The following MAST4 variants were observed in gnomAD, a reference collection of about 807,000 sequenced individuals.
The protein encoded by MAST4 is microtubule associated serine/threonine kinase family member 4.
Under a neutral mutation model 162.7 loss-of-function variants are expected in MAST4, and 89 were observed. The observed-to-expected ratio is 0.55, with a 90% CI of 0.46 to 0.65. The LOEUF (loss-of-function observed/expected upper bound fraction) is 0.65, where lower values mean the gene tolerates loss of function less well. Ranked by LOEUF, MAST4 falls within the 30% of genes least tolerant of loss-of-function variation. The pLI is 0.00. For synonymous variants in MAST4, 1,479 were observed against 1,361.1 expected (o/e 1.09, Z -1.91); for missense variants, 3,153 against 3,374.0 (o/e 0.93, Z 1.62).
intron 3 of MAST4, among the ~76,000 whole-genome samples, chr5:66,855,802 G>T (rs1309676629): frequency 2.0e-5 from 3 of 152,144 alleles, no homozygotes; most frequent in Non-Finnish European, 4.4e-5. Flanking sequence ...TCACTTCTGG[G>T]CCTTAGTAGG....
At chr5:66,922,884 G>A (rs975256937) in intron 4 of MAST4, among the ~76,000 whole-genome samples, 7 of 152,096 alleles carry the variant, frequency 4.6e-5, no homozygotes, top group Non-Finnish European at 8.8e-5. Flanking sequence ...AATTTAGGGC[G>A]GCACATGTTC....
intron 19 of MAST4, 45 bp from the exon 20 acceptor site, chr5:67,142,070 G>C (rs1249130546): frequency 1.2e-5 from 19 of 1,586,542 alleles, no homozygotes; most frequent in Non-Finnish European, 1.5e-5. Context: ...GCTTAGTGGG[G>C]ATAGTTTAAC....
intron 1 of MAST4, among the ~76,000 whole-genome samples, chr5:66,707,666 C>G (rs865951139): frequency 4.5e-4 from 68 of 152,188 alleles, no homozygotes; most frequent in African/African-American, 1.6e-3. Flanking sequence ...AACCTAAATA[C>G]CTCTCTAAAG....
In MAST4 at chr5:67,049,008, C is replaced by CACACATATATATATACGTATATAT. The variant is rs1362965159; in HGVS notation, c.675-5395_675-5394insCACATATATATATACGTATATATA. 2.7e-4 allele frequency among the ~76,000 whole-genome samples: 28 copies of CACACATATATATATACGTATATAT among 104,508 alleles called. 1 individual carries two copies. Among genetic ancestry groups the CACACATATATATATACGTATATAT allele is most frequent in the Non-Finnish European group, 3.5e-4 (18 of 51,430 alleles). The allele number at this position is 104,508 out of a possible 152,430, so 68.6% of individuals were successfully genotyped here. ...ATATGTATATATATATATACACACA[C>CACACATATATATATACGTATATAT]ATATATATATATACGTATATATATA... On this transcript the variant is annotated intron_variant, in intron 4 of 28. Coordinates refer to ENST00000403625, the MANE Select transcript of MAST4 (RefSeq NM_001164664.2).
chr5:67,140,219 C>CACTA (rs1770195128), intron 19 of MAST4, among the ~76,000 whole-genome samples: 1 of 152,090 alleles, frequency 6.6e-6, no homozygotes, highest in Non-Finnish European at 1.5e-5. Context: ...TGTTGTGGGC[C>CACTA]ACTAACTAGG....
intron 14 of MAST4, among the ~76,000 whole-genome samples, chr5:67,128,889 A>C (rs991802861): frequency 6.6e-6 from 1 of 152,216 alleles, no homozygotes; most frequent in African/African-American, 2.4e-5. Context: ...TGGAGATTTC[A>C]AACCTGTTCC....
At chr5:66,797,763 G>A (rs1174383900) in intron 3 of MAST4, among the ~76,000 whole-genome samples, 3 of 152,166 alleles carry the variant, frequency 2.0e-5, no homozygotes, top group African/African-American at 7.2e-5. Context: ...CGTTGAGTAG[G>A]TTTTGGTTAG....
intron 1 of MAST4, among the ~76,000 whole-genome samples, chr5:66,620,564 G>A (rs1346500629): frequency 2.0e-5 from 3 of 152,080 alleles, no homozygotes; most frequent in Non-Finnish European, 4.4e-5. Context: ...TGACATTTCT[G>A]TAGAAATGCT....
Position 67,165,787 on chromosome 5 carries a change from C to A in MAST4, c.6608C>A (p.Pro2203Gln). 6.2e-7 allele frequency: 1 copy of A among 1,608,030 alleles called. No individual in the cohort carries two copies. ...KPRPGPDPGP[P>Q]KTKHPDRSLS... Reference sequence around the variant, plus strand: ...CGGCCTGGCCCTGACCCGGGCCCTCCAAAGACTAAGCACCCCGACCGGTCC... The same window carrying A: ...CGGCCTGGCCCTGACCCGGGCCCTCAAAAGACTAAGCACCCCGACCGGTCC... Residue 2203 changes from proline to glutamine, a missense_variant, in exon 29 of 29, where the codon CCA (proline) becomes CAA (glutamine). Physicochemically the swap from Pro to Gln is moderately conservative, Grantham distance 76. Coordinates refer to ENST00000403625, the MANE Select transcript of MAST4 (RefSeq NM_001164664.2).
intron 1 of MAST4, among the ~76,000 whole-genome samples, chr5:66,756,736 A>C (rs1373592909): frequency 1.3e-5 from 2 of 152,218 alleles, no homozygotes; most frequent in Non-Finnish European, 2.9e-5. Flanking sequence ...AAGAATAGTA[A>C]AGCCACTGAC....
chr5:67,031,001 C>T (rs1000944938), intron 4 of MAST4, among the ~76,000 whole-genome samples: 4 of 152,160 alleles, frequency 2.6e-5, no homozygotes, highest in African/African-American at 9.7e-5. Context: ...TGCTGCCTAA[C>T]TCATTAACTG....
chr5:67,127,614 A>G (rs1049365367), intron 14 of MAST4, among the ~76,000 whole-genome samples: 2 of 152,004 alleles, frequency 1.3e-5, no homozygotes, highest in Admixed American at 1.3e-4. Context: ...AAATGACAAC[A>G]TTTGTATATC....
intron 5 of MAST4, among the ~76,000 whole-genome samples, chr5:67,071,810 T>A (rs1482936391): frequency 1.3e-5 from 2 of 152,048 alleles, no homozygotes; most frequent in African/African-American, 4.8e-5. Flanking sequence ...AAAATGAACT[T>A]AAATTGGAAA....
At chr5:66,712,124 T>G (rs992159025) in intron 1 of MAST4, among the ~76,000 whole-genome samples, 1 of 152,168 alleles carries the variant, frequency 6.6e-6, no homozygotes, top group African/African-American at 2.4e-5. Context: ...ATGAGTATTC[T>G]TAGTATTCTT....
intron 3 of MAST4, among the ~76,000 whole-genome samples, chr5:66,802,684 T>C (rs1015948612): frequency 6.6e-6 from 1 of 152,140 alleles, no homozygotes; most frequent in African/African-American, 2.4e-5. Flanking sequence ...GGAGGATTGT[T>C]TTATTTTTCC....
chr5:67,144,555 A>C, intron 21 of MAST4, 114 bp from the exon 22 acceptor site: 1 of 1,083,176 alleles, frequency 9.2e-7, no homozygotes, highest in Non-Finnish European at 1.4e-6. Flanking sequence ...CTGAATACAC[A>C]ATATTAGTTC....
In MAST4 at chr5:66,973,082, T is replaced by A. The variant is rs184234120; in HGVS notation, c.674+73100T>A. ...CCTTCCTTCTCTCTTAGCCCCTAGA[T>A]GTATTTAAACATTTTTTTCTCCTGG... On this transcript the variant is annotated intron_variant, in intron 4 of 28. Transcript: ENST00000403625. 1.5e-3 allele frequency among the ~76,000 whole-genome samples: 235 copies of A among 152,138 alleles called. 1 individual carries two copies. Among genetic ancestry groups the A allele is most frequent in the East Asian group, 0.015 (80 of 5,184 alleles).
At chr5:66,683,157 G>A (rs1471012376) in intron 1 of MAST4, among the ~76,000 whole-genome samples, 1 of 152,160 alleles carries the variant, frequency 6.6e-6, no homozygotes, top group East Asian at 1.9e-4. Context: ...ATAAGCTCCT[G>A]TTACTCTGAG....
At chr5:67,077,098 G>A (rs966099689) in intron 5 of MAST4, among the ~76,000 whole-genome samples, 2 of 152,302 alleles carry the variant, frequency 1.3e-5, no homozygotes, top group Middle Eastern at 3.4e-3. Context: ...GAAACTTAAG[G>A]TGTCTGGCCT....
Sources: allele counts gnomAD v4.1 joint callset (sites outside exome capture counted in the v4.1 genomes callset), GRCh38; gene constraint gnomAD v4.1.1; transcripts MANE v1.5; gene names NCBI Gene and HGNC (gene_info 2026-07-23, HGNC 2026-07-21).